GABRG3: variants seen among roughly 807,000 people sequenced by gnomAD.
The protein encoded by GABRG3 is gamma-aminobutyric acid receptor subunit gamma-3.
Under a neutral mutation model 48.8 loss-of-function variants are expected in GABRG3, and 25 were observed. The ratio of observed to expected loss-of-function variants is 0.51; its 90% CI spans 0.37 to 0.72. GABRG3 has a LOEUF of 0.72. GABRG3 is among the 30% of genes least tolerant of loss of function. The probability of loss-of-function intolerance (pLI) is 0.00; values close to 1 mark genes in which losing one functional copy is unlikely to be tolerated. For missense variants in GABRG3, 394 were observed against 577.9 expected (o/e 0.68, Z 3.26); for synonymous variants, 227 against 217.6 (o/e 1.04, Z -0.38).
chr15:27,024,239 T>G (rs1895946451), intron 2 of GABRG3, among the ~76,000 whole-genome samples: 2 of 152,200 alleles, frequency 1.3e-5, no homozygotes, highest in Non-Finnish European at 1.5e-5. Context: ...TTTACAAATA[T>G]TTTCTCCCAC....
intron 2 of GABRG3, 60 bp downstream of exon 2, chr15:26,977,210 ACTTTTGAGTAATTGTGAAT>A: frequency 6.6e-7 from 1 of 1,523,944 alleles, no homozygotes; most frequent in South Asian, 1.2e-5. Context: ...TGAAGTTTTT[ACTTTTGAGTAATTGTGAAT>A]TCCAAGAGTA....
At chr15:27,034,703 A>T (rs778653756) in intron 3 of GABRG3, among the ~76,000 whole-genome samples, 1 of 152,158 alleles carries the variant, frequency 6.6e-6, no homozygotes, top group African/African-American at 2.4e-5. Context: ...CAAGGCCCAC[A>T]TGTCTTTTTG....
At chr15:27,031,745 C>G (rs1896090491) in intron 3 of GABRG3, among the ~76,000 whole-genome samples, 1 of 152,190 alleles carries the variant, frequency 6.6e-6, no homozygotes, top group African/African-American at 2.4e-5. Flanking sequence ...GTCAGGATAC[C>G]AAGTCCTGAT....
intron 5 of GABRG3, among the ~76,000 whole-genome samples, chr15:27,436,764 T>C (rs1403864078): frequency 6.6e-6 from 1 of 152,060 alleles, no homozygotes; most frequent in Non-Finnish European, 1.5e-5. Context: ...CTTCCCAGCA[T>C]GAACTGGCCA....
intron 5 of GABRG3, among the ~76,000 whole-genome samples, chr15:27,384,534 T>A (rs114882293): frequency 0.012 from 1,803 of 151,898 alleles, 40 homozygotes; most frequent in African/African-American, 0.041. Context: ...GACGTTGGAG[T>A]CAATTTAATT....
At chr15:27,193,333 A>G (rs1888390408) in intron 3 of GABRG3, among the ~76,000 whole-genome samples, 1 of 152,088 alleles carries the variant, frequency 6.6e-6, no homozygotes, top group African/African-American at 2.4e-5. Context: ...TGAAGCCTAC[A>G]GAGGCAGGCA....
intron 6 of GABRG3, among the ~76,000 whole-genome samples, chr15:27,509,936 T>C (rs746049620): frequency 2.0e-5 from 3 of 152,248 alleles, no homozygotes; most frequent in Non-Finnish European, 2.9e-5. Flanking sequence ...ACATGTTTTA[T>C]AGAATAGTAG....
intron 5 of GABRG3, among the ~76,000 whole-genome samples, chr15:27,370,067 A>G (rs1895355514): frequency 6.6e-6 from 1 of 152,186 alleles, no homozygotes; most frequent in South Asian, 2.1e-4. Flanking sequence ...TGAAAAACAA[A>G]GCCATTCTTT....
chr15:27,426,413 A>G (rs112992072), intron 5 of GABRG3, among the ~76,000 whole-genome samples: 2,032 of 152,340 alleles, frequency 0.013, 34 homozygotes, highest in African/African-American at 0.047. Flanking sequence ...AGCTGAGGAC[A>G]TATGCCAGGC....
intron 3 of GABRG3, among the ~76,000 whole-genome samples, chr15:27,202,859 A>G (rs977183733): frequency 2.0e-5 from 3 of 152,108 alleles, no homozygotes; most frequent in African/African-American, 7.2e-5. Flanking sequence ...CATTTCCTTT[A>G]TGATCATACA....
chr15:27,366,948 C>A (rs1376699841), intron 5 of GABRG3, among the ~76,000 whole-genome samples: 3 of 152,166 alleles, frequency 2.0e-5, no homozygotes, highest in African/African-American at 7.2e-5. Flanking sequence ...CCCCTGCTTC[C>A]TACTATGGGG....
rs141707861 is a variant in GABRG3, at chr15:27,419,880, A to G, written c.575-60770A>G. 5.2e-3 allele frequency among the ~76,000 whole-genome samples: 789 copies of G among 152,334 alleles called. 7 individuals carry two copies. Among genetic ancestry groups the G allele is most frequent in the Middle Eastern group, 0.041 (12 of 294 alleles). Reference sequence around the variant, plus strand: ...GTTGGGAACTTGCTGACAAAAATGTATAGGATAGACTGGAAGAACAAAACT... The same window carrying G: ...GTTGGGAACTTGCTGACAAAAATGTGTAGGATAGACTGGAAGAACAAAACT... On this transcript the variant is annotated intron_variant, in intron 5 of 9. Transcript: ENST00000615808.
intron 5 of GABRG3, chr15:27,341,044 C>G (rs1894158329): frequency 2.1e-6 from 1 of 475,276 alleles, no homozygotes; most frequent in Admixed American, 2.3e-5. Context: ...CTTCAGAGGC[C>G]TGAAAGCTTC....
At chr15:27,288,670 G>A (rs1158083695) in intron 3 of GABRG3, among the ~76,000 whole-genome samples, 2 of 150,328 alleles carry the variant, frequency 1.3e-5, no homozygotes, top group South Asian at 2.1e-4. Context: ...TCGAGATCAC[G>A]CCATTGCACT....
intron 3 of GABRG3, among the ~76,000 whole-genome samples, chr15:27,060,452 T>C (rs567365626): frequency 6.6e-6 from 1 of 152,356 alleles, no homozygotes; most frequent in African/African-American, 2.4e-5. Context: ...TGTGTCATTA[T>C]CACATGCTGC....
intron 3 of GABRG3, among the ~76,000 whole-genome samples, chr15:27,290,733 CTAA>C: frequency 6.6e-6 from 1 of 152,126 alleles, no homozygotes; most frequent in East Asian, 1.9e-4. Context: ...GACATGATGG[CTAA>C]ATGTGATCTG....
chr15:27,142,597 A>T (rs1461368481), intron 3 of GABRG3, among the ~76,000 whole-genome samples: 2 of 152,190 alleles, frequency 1.3e-5, no homozygotes, highest in South Asian at 2.1e-4. Flanking sequence ...TTGGGTGGGG[A>T]CACAGAGCCA....
In GABRG3 at chr15:27,063,370, A is replaced by G. The variant is rs79773875; in HGVS notation, c.270+36549A>G. Among the ~76,000 whole-genome samples, 41 of 152,302 alleles carry G rather than the reference A, an allele frequency of 2.7e-4. No homozygotes were observed. In the East Asian group the frequency reaches 6.6e-3, roughly 24 times the overall value. On this transcript the variant is annotated intron_variant, in intron 3 of 9. Transcript: ENST00000615808. ...AGATCTCTGTTAAAATGCGATCCTC[A>G]GTCTCTGAGGTGGGGCCTGGTGGGA...
chr15:27,491,365 C>T (rs1041479893), intron 6 of GABRG3, among the ~76,000 whole-genome samples: 2 of 152,238 alleles, frequency 1.3e-5, no homozygotes, highest in Non-Finnish European at 2.9e-5. Context: ...CCAAGCACCT[C>T]CCAGCCTCAG....
Sources: gnomAD v4.1 joint callset for allele counts (sites outside exome capture counted in the v4.1 genomes callset) on GRCh38, gnomAD v4.1.1 for gene constraint, MANE v1.5 for transcripts, NCBI Gene and HGNC (gene_info 2026-07-23, HGNC 2026-07-21) for gene names.